The following NSMCE2 variants were observed in gnomAD, a reference collection of about 807,000 sequenced individuals.
The protein encoded by NSMCE2 is NSE2 SUMO ligase component of SMC5/6 complex.
A neutral mutation model predicts 23.8 loss-of-function variants in NSMCE2; 24 were observed. The ratio of observed to expected loss-of-function variants is 1.01; its 90% confidence interval spans 0.73 to 1.42. The LOEUF (loss-of-function observed/expected upper bound fraction) is 1.42. NSMCE2 is among the 40% of genes most tolerant of loss of function. The probability of loss-of-function intolerance (pLI) is 0.00; values close to 1 mark genes in which losing one functional copy is unlikely to be tolerated. For synonymous variants in NSMCE2, 92 were observed against 94.1 expected, an observed-to-expected ratio of 0.98 and a Z score of 0.13; for missense variants, 284 against 296.5, an observed-to-expected ratio of 0.96 and a Z score of 0.31.
intron 5 of NSMCE2, among the ~76,000 whole-genome samples, chr8:125,223,423 C>A: frequency 6.6e-6 from 1 of 152,190 alleles, no homozygotes; most frequent in Middle Eastern, 3.4e-3. Flanking sequence ...TTGACTATTG[C>A]GAATAATGCT....
intron 3 of NSMCE2, among the ~76,000 whole-genome samples, chr8:125,113,170 T>G (rs190668950): frequency 6.6e-6 from 1 of 152,272 alleles, no homozygotes; most frequent in Admixed American, 6.5e-5. Context: ...TTCATTCATT[T>G]TAGTGTTACC....
At chr8:125,204,816 G>A (rs1476794529) in intron 5 of NSMCE2, among the ~76,000 whole-genome samples, 1 of 152,054 alleles carries the variant, frequency 6.6e-6, no homozygotes, top group African/African-American at 2.4e-5. Flanking sequence ...CACTACTATT[G>A]CTGCTCTACT....
chr8:125,223,806 CTTTTT>C (rs777644019), intron 5 of NSMCE2, among the ~76,000 whole-genome samples: 2,532 of 107,906 alleles, frequency 0.023, 81 homozygotes, highest in African/African-American at 0.088. Flanking sequence ...GGTCCTTTGC[CTTTTT>C]TTTTTTTTTT....
At chr8:125,204,561 T>A (rs968381432) in intron 5 of NSMCE2, among the ~76,000 whole-genome samples, 27 of 152,212 alleles carry the variant, frequency 1.8e-4, no homozygotes, top group Non-Finnish European at 3.2e-4. Context: ...AAGTTGACCA[T>A]ACTTCTTATA....
intron 4 of NSMCE2, among the ~76,000 whole-genome samples, chr8:125,168,165 A>G (rs1414265590): frequency 6.6e-6 from 1 of 152,166 alleles, no homozygotes. Context: ...GCCTCTTCCT[A>G]AGAGCATAAT....
At chr8:125,314,949 G>T (rs879486597) in intron 5 of NSMCE2, among the ~76,000 whole-genome samples, 9 of 152,146 alleles carry the variant, frequency 5.9e-5, no homozygotes, top group Non-Finnish European at 1.2e-4. Flanking sequence ...GCAAGGGAGG[G>T]TGGGGATCAA....
chr8:125,246,232 G>A (rs916990342), intron 5 of NSMCE2, among the ~76,000 whole-genome samples: 1 of 150,220 alleles, frequency 6.7e-6, no homozygotes, highest in Non-Finnish European at 1.5e-5. Flanking sequence ...CACCCAGGCT[G>A]GAGTGCAATG....
chr8:125,216,137 G>A (rs1416799890), intron 5 of NSMCE2, among the ~76,000 whole-genome samples: 1 of 152,184 alleles, frequency 6.6e-6, no homozygotes, highest in East Asian at 1.9e-4. Flanking sequence ...CACCTATGTT[G>A]TAGCATGTAT....
chr8:125,114,827 T>TAG (rs1162116408), intron 3 of NSMCE2, among the ~76,000 whole-genome samples: 1 of 152,206 alleles, frequency 6.6e-6, no homozygotes, highest in Non-Finnish European at 1.5e-5. Context: ...AAAATCTACT[T>TAG]AGAGAATTTT....
rs564681186 is a variant in NSMCE2 at position 125,149,106 on chromosome 8, C to T, written c.158-2065C>T. Among the ~76,000 whole-genome samples the T allele has an allele frequency of 2.0e-5, 3 of 152,214 alleles. No individual in the cohort carries two copies. The South Asian group carries it at 6.2e-4, about 32-fold the overall frequency. On this transcript the variant is annotated intron_variant, in intron 3 of 7. Transcript: ENST00000287437. ...ACCTGGAGTATGACCTGAGCCTTTT[C>T]TCACGCACCATTTTGTTAAACATAT...
In NSMCE2 at chr8:125,109,072, C is replaced by G. The variant is rs527486170; in HGVS notation, c.157+6585C>G. 1.7e-3 allele frequency among the ~76,000 whole-genome samples: 253 copies of G among 152,314 alleles called. 1 individual carries two copies. The highest frequency in any genetic ancestry group is 3.2e-3 in the Non-Finnish European group (215 of 68,014). On this transcript the variant is annotated intron_variant, in intron 3 of 7. Coordinates refer to ENST00000287437, the MANE Select transcript of NSMCE2 (RefSeq NM_173685.4). Reference sequence around the variant, plus strand: ...GTAGCTCAAGTGAAAAAGAAAATAACTTTGACTAAGGTATTGTAACTAAGG... The same window carrying G: ...GTAGCTCAAGTGAAAAAGAAAATAAGTTTGACTAAGGTATTGTAACTAAGG...
intron 5 of NSMCE2, among the ~76,000 whole-genome samples, chr8:125,203,784 TAGAG>T (rs1263905331): frequency 2.0e-5 from 3 of 152,226 alleles, no homozygotes; most frequent in Middle Eastern, 3.4e-3. Flanking sequence ...CTGGAGAAGA[TAGAG>T]AGTAGGGTGG....
At position 125,144,902 on chromosome 8, in the gene NSMCE2, T is replaced by C. The variant is rs1048726156; in HGVS notation, c.158-6269T>C. The stretch of plus-strand genomic sequence containing the variant: ...AAAAGAGAGAATAGTAATGTAGTTA[T>C]AATATTGCTGTTAGTGGGTTTTGAC... On this transcript the variant is annotated intron_variant, in intron 3 of 7. Transcript: ENST00000287437. 4.6e-5 allele frequency among the ~76,000 whole-genome samples: 7 copies of C among 152,340 alleles called. No individual in the cohort carries two copies. In the East Asian group the frequency reaches 7.7e-4, roughly 17 times the overall value.
intron 5 of NSMCE2, among the ~76,000 whole-genome samples, chr8:125,308,322 GA>G (rs368080885): frequency 1.8e-4 from 28 of 152,124 alleles, no homozygotes; most frequent in South Asian, 4.2e-4. Context: ...GTTTTGGGGG[GA>G]AAAAATCCTA....
chr8:125,099,521 G>A (rs1309970527), intron 1 of NSMCE2, among the ~76,000 whole-genome samples: 1 of 152,080 alleles, frequency 6.6e-6, no homozygotes, highest in African/African-American at 2.4e-5. Flanking sequence ...CAAGGAGATG[G>A]AGAGGAAACA....
chr8:125,176,922 C>T (rs746288034), intron 4 of NSMCE2, among the ~76,000 whole-genome samples: 3 of 152,202 alleles, frequency 2.0e-5, no homozygotes, highest in Non-Finnish European at 4.4e-5. Flanking sequence ...TTGTGAGTTT[C>T]CTCATATCCT....
At chr8:125,207,563 C>A (rs760936015) in intron 5 of NSMCE2, among the ~76,000 whole-genome samples, 1 of 152,100 alleles carries the variant, frequency 6.6e-6, no homozygotes, top group Non-Finnish European at 1.5e-5. Flanking sequence ...ATTTAAGTGT[C>A]CAGTTTTAAA....
intron 5 of NSMCE2, among the ~76,000 whole-genome samples, chr8:125,199,044 C>A (rs1823752417): frequency 6.6e-6 from 1 of 152,102 alleles, no homozygotes. Context: ...TCCCCTTTAT[C>A]ATTTTTTTAT....
intron 5 of NSMCE2, among the ~76,000 whole-genome samples, chr8:125,207,445 A>G (rs1824159261): frequency 6.6e-6 from 1 of 152,218 alleles, no homozygotes; most frequent in African/African-American, 2.4e-5. Flanking sequence ...TACTTTAATC[A>G]TAATTTGATT....
Sources: gnomAD v4.1 joint callset for allele counts (sites outside exome capture counted in the v4.1 genomes callset) on GRCh38, gnomAD v4.1.1 for gene constraint, MANE v1.5 for transcripts, NCBI Gene and HGNC (gene_info 2026-07-23, HGNC 2026-07-21) for gene names.